The following ATP8A2 variants were observed in gnomAD, a reference collection of about 807,000 sequenced individuals.
The protein encoded by ATP8A2 is ATPase phospholipid transporting 8A2.
Under a neutral mutation model 165.6 loss-of-function variants are expected in ATP8A2, and 100 were observed. The ratio of observed to expected loss-of-function variants is 0.60; its 90% CI spans 0.51 to 0.71. The LOEUF (loss-of-function observed/expected upper bound fraction) is 0.71, where lower values mean the gene tolerates loss of function less well. ATP8A2 is among the 30% of genes least tolerant of loss of function. The pLI, the probability that ATP8A2 is intolerant of heterozygous loss-of-function variation, is 0.00. For synonymous variants in ATP8A2, 543 were observed against 548.8 expected (o/e 0.99, Z 0.15); for missense variants, 1,227 against 1,479.5 (o/e 0.83, Z 2.80).
intron 30 of ATP8A2, among the ~76,000 whole-genome samples, chr13:25,843,687 T>C (rs879068657): frequency 1.3e-5 from 2 of 152,180 alleles, no homozygotes; most frequent in Admixed American, 6.5e-5. Context: ...ATGCAGTTTA[T>C]AGTATTTTGT....
At chr13:25,775,125 G>A (rs1247823234) in intron 27 of ATP8A2, among the ~76,000 whole-genome samples, 166 bp downstream of exon 27, 1 of 152,144 alleles carries the variant, frequency 6.6e-6, no homozygotes. Context: ...AGCTGGGCTC[G>A]CCATTCTGGT....
intron 25 of ATP8A2, among the ~76,000 whole-genome samples, chr13:25,745,599 T>C (rs372007669): frequency 1.3e-5 from 2 of 152,150 alleles, no homozygotes; most frequent in South Asian, 2.1e-4. Context: ...ATGATCAAAC[T>C]TGGAATTTTC....
chr13:25,571,550 TA>T, intron 17 of ATP8A2, 59 bp from the exon 18 acceptor site: 1 of 1,296,150 alleles, frequency 7.7e-7, no homozygotes, highest in Non-Finnish European at 1.1e-6. Context: ...AAAGTGACAC[TA>T]AACAGAATTC....
intron 24 of ATP8A2, among the ~76,000 whole-genome samples, chr13:25,662,085 G>T (rs777965448): frequency 6.6e-5 from 10 of 152,162 alleles, no homozygotes; most frequent in Non-Finnish European, 7.3e-5. Context: ...TACCTAAGCT[G>T]TCTCTGCCTG....
intron 35 of ATP8A2, among the ~76,000 whole-genome samples, chr13:25,977,437 G>A (rs765761927): frequency 7.9e-5 from 12 of 152,274 alleles, no homozygotes; most frequent in Non-Finnish European, 1.8e-4. Flanking sequence ...GGAAATTACC[G>A]AAAGGCTGCC....
chr13:25,531,467 G>GA (rs1278304427), intron 4 of ATP8A2, among the ~76,000 whole-genome samples: 5 of 138,344 alleles, frequency 3.6e-5, no homozygotes, highest in Admixed American at 1.5e-4. Flanking sequence ...TTATATATAT[G>GA]TTATATATAT....
chr13:25,703,906 A>G (rs910422748), intron 25 of ATP8A2, among the ~76,000 whole-genome samples: 1 of 152,182 alleles, frequency 6.6e-6, no homozygotes, highest in Non-Finnish European at 1.5e-5. Flanking sequence ...ATTCCACTCA[A>G]TTGAAAATGG....
intron 36 of ATP8A2, among the ~76,000 whole-genome samples, chr13:26,012,930 G>A (rs1956880581): frequency 6.6e-6 from 1 of 152,110 alleles, no homozygotes; most frequent in Admixed American, 6.5e-5. Flanking sequence ...TTAAACTGTT[G>A]CCCCTAAAGA....
At chr13:25,788,392 A>G (rs1340735267) in intron 27 of ATP8A2, among the ~76,000 whole-genome samples, 1 of 152,212 alleles carries the variant, frequency 6.6e-6, no homozygotes, top group Non-Finnish European at 1.5e-5. Flanking sequence ...GTTTTCCTAT[A>G]TGAGTTTACT....
intron 23 of ATP8A2, among the ~76,000 whole-genome samples, chr13:25,587,770 T>A (rs2039964473): frequency 6.6e-6 from 1 of 152,100 alleles, no homozygotes; most frequent in South Asian, 2.1e-4. Context: ...GGACCTAATC[T>A]AAGGACTTAT....
intron 33 of ATP8A2, among the ~76,000 whole-genome samples, chr13:25,916,225 T>G (rs1046698655): frequency 6.6e-6 from 1 of 152,226 alleles, no homozygotes; most frequent in Non-Finnish European, 1.5e-5. Flanking sequence ...TAAATATGCC[T>G]TTGAACAGGC....
intron 23 of ATP8A2, among the ~76,000 whole-genome samples, chr13:25,586,133 T>C (rs572726343): frequency 6.6e-6 from 1 of 152,232 alleles, no homozygotes; most frequent in Admixed American, 6.5e-5. Context: ...AAGATAAAAC[T>C]GAGGCACAGA....
chr13:25,867,922 T>A (rs934257167), intron 33 of ATP8A2: 7 of 217,640 alleles, frequency 3.2e-5, no homozygotes, highest in South Asian at 2.2e-4. Context: ...GTCTTTTTTT[T>A]ATTGTTTTAT....
At chr13:25,572,356 C>A (rs1015439194) in intron 18 of ATP8A2, among the ~76,000 whole-genome samples, 3 of 152,198 alleles carry the variant, frequency 2.0e-5, no homozygotes, top group Non-Finnish European at 4.4e-5. Flanking sequence ...CCAGGCTGAT[C>A]TCAAATTCCT....
At chr13:25,533,339 C>A in intron 6 of ATP8A2, 26 bp downstream of exon 6, 1 of 1,359,556 alleles carries the variant, frequency 7.4e-7, no homozygotes, top group Non-Finnish European at 1.0e-6. Flanking sequence ...AAAGATGTAC[C>A]AGTACTATTG....
intron 27 of ATP8A2, among the ~76,000 whole-genome samples, chr13:25,779,513 C>G (rs1304118877): frequency 6.6e-6 from 1 of 152,024 alleles, no homozygotes; most frequent in African/African-American, 2.4e-5. Context: ...TGTGAGTGAC[C>G]AGGGAAGGGC....
intron 33 of ATP8A2, among the ~76,000 whole-genome samples, chr13:25,869,045 G>A (rs994969487): frequency 8.5e-5 from 12 of 140,872 alleles, no homozygotes; most frequent in Non-Finnish European, 7.5e-5. Flanking sequence ...CTCCAGCCTG[G>A]GCGACACAGC....
chr13:25,762,412 A>G (rs2044401737), intron 25 of ATP8A2, among the ~76,000 whole-genome samples: 1 of 152,006 alleles, frequency 6.6e-6, no homozygotes, highest in African/African-American at 2.4e-5. Context: ...ATCACAGGAC[A>G]AGTGGGCTGT....
intron 25 of ATP8A2, among the ~76,000 whole-genome samples, chr13:25,702,246 T>A (rs2042967059): frequency 6.6e-6 from 1 of 152,212 alleles, no homozygotes; most frequent in African/African-American, 2.4e-5. Flanking sequence ...TGAAGCATGT[T>A]CCTATCAATA....
Sources: allele counts gnomAD v4.1 joint callset (sites outside exome capture counted in the v4.1 genomes callset), GRCh38; gene constraint gnomAD v4.1.1; transcripts MANE v1.5; gene names NCBI Gene and HGNC (gene_info 2026-07-23, HGNC 2026-07-21).